The following TMEM132D variants were observed in gnomAD, a reference collection of about 807,000 sequenced individuals.
The protein encoded by TMEM132D is transmembrane protein 132D.
In TMEM132D, 21 loss-of-function variants were observed where a neutral mutation model predicts 62.3. The ratio of observed to expected loss-of-function variants is 0.34; its 90% CI spans 0.24 to 0.49. TMEM132D has a LOEUF of 0.49. Among genes scored for constraint, TMEM132D ranks in the 20% least tolerant of loss-of-function variants. The pLI, the probability that TMEM132D is intolerant of heterozygous loss-of-function variation, is 0.99. For synonymous variants in TMEM132D, 621 were observed against 575.6 expected, an observed-to-expected ratio of 1.08 and a Z score of -1.13; for missense variants, 1,346 against 1,402.8, an observed-to-expected ratio of 0.96 and a Z score of 0.65.
At chr12:129,752,766 A>G (rs1366608931) in intron 1 of TMEM132D, among the ~76,000 whole-genome samples, 2 of 152,280 alleles carry the variant, frequency 1.3e-5, no homozygotes, top group Non-Finnish European at 1.5e-5. Context: ...GATCATCTCC[A>G]AGATGTCACA....
intron 3 of TMEM132D, among the ~76,000 whole-genome samples, chr12:129,425,417 T>TTTC (rs1872465458): frequency 6.8e-6 from 1 of 146,656 alleles, no homozygotes; most frequent in African/African-American, 2.4e-5. Flanking sequence ...TTTTTTTTTT[T>TTTC]TTCTAATCTC....
At chr12:129,639,105 G>A (rs931964903) in intron 2 of TMEM132D, among the ~76,000 whole-genome samples, 8 of 151,950 alleles carry the variant, frequency 5.3e-5, no homozygotes, top group Admixed American at 2.6e-4. Flanking sequence ...AATCAGGGGC[G>A]GGCATGGTTG....
chr12:129,899,406 CATGGATGGATGGATGGATGG>C (rs373344068), intron 1 of TMEM132D, among the ~76,000 whole-genome samples: 1 of 102,658 alleles, frequency 9.7e-6, no homozygotes. Flanking sequence ...TGGATGGATG[CATGGATGGATGGATGGATGG>C]ATGGATGGAT....
chr12:129,567,919 C>A (rs1203861019), intron 2 of TMEM132D, among the ~76,000 whole-genome samples: 1 of 152,190 alleles, frequency 6.6e-6, no homozygotes, highest in African/African-American at 2.4e-5. Flanking sequence ...AGCCAATCAG[C>A]ATATCTCCCA....
intron 3 of TMEM132D, among the ~76,000 whole-genome samples, chr12:129,365,843 C>A (rs556935686): frequency 6.6e-6 from 1 of 152,192 alleles, no homozygotes; most frequent in Admixed American, 6.5e-5. Flanking sequence ...AGGCTGTCTG[C>A]TGAGCACACG....
chr12:129,412,467 C>G (rs1484082496), intron 3 of TMEM132D, among the ~76,000 whole-genome samples: 1 of 151,648 alleles, frequency 6.6e-6, no homozygotes, highest in Admixed American at 6.6e-5. Flanking sequence ...ATTCAGAAGT[C>G]TACTGGGAAT....
At chr12:129,734,469 A>C (rs1212211429) in intron 1 of TMEM132D, among the ~76,000 whole-genome samples, 1 of 152,106 alleles carries the variant, frequency 6.6e-6, no homozygotes, top group Non-Finnish European at 1.5e-5. Flanking sequence ...TGTTCAGTAC[A>C]TTGTGGAATT....
chr12:129,119,336 C>T (rs112031145), intron 5 of TMEM132D, among the ~76,000 whole-genome samples: 335 of 152,248 alleles, frequency 2.2e-3, no homozygotes, highest in African/African-American at 7.0e-3. Flanking sequence ...ACGTTAGCCA[C>T]GGCACTATTC....
At chr12:129,822,459 C>T (rs748221381) in intron 1 of TMEM132D, among the ~76,000 whole-genome samples, 9 of 152,204 alleles carry the variant, frequency 5.9e-5, no homozygotes, top group Non-Finnish European at 8.8e-5. Context: ...TCACACAGGA[C>T]GCACTTAACT....
At chr12:129,339,142 G>T (rs1869385013) in intron 3 of TMEM132D, among the ~76,000 whole-genome samples, 1 of 152,122 alleles carries the variant, frequency 6.6e-6, no homozygotes, top group Admixed American at 6.5e-5. Flanking sequence ...GTGGTGGCAT[G>T]TGCCTATAAT....
At chr12:129,237,170 A>G (rs1879808776) in intron 4 of TMEM132D, among the ~76,000 whole-genome samples, 1 of 152,180 alleles carries the variant, frequency 6.6e-6, no homozygotes, top group South Asian at 2.1e-4. Context: ...CCTCAGGAAT[A>G]TTAGCCTGTG....
chr12:129,525,307 G>C (rs919988670), intron 3 of TMEM132D, among the ~76,000 whole-genome samples: 1 of 124,566 alleles, frequency 8.0e-6, no homozygotes, highest in African/African-American at 3.0e-5. Context: ...ACAACATCTT[G>C]GTCTGTTGTA....
chr12:129,846,399 T>C (rs1287398810), intron 1 of TMEM132D, among the ~76,000 whole-genome samples: 1 of 152,186 alleles, frequency 6.6e-6, no homozygotes, highest in Non-Finnish European at 1.5e-5. Flanking sequence ...TTTTAAAGAA[T>C]ATATTTTCTA....
At chr12:129,222,904 G>A (rs1048787297) in intron 4 of TMEM132D, among the ~76,000 whole-genome samples, 3 of 141,680 alleles carry the variant, frequency 2.1e-5, no homozygotes, top group South Asian at 2.4e-4. Context: ...GCTCTTAAAC[G>A]CTCTCACTAC....
chr12:129,632,210 C>G (rs1879367153), intron 2 of TMEM132D, among the ~76,000 whole-genome samples: 1 of 152,072 alleles, frequency 6.6e-6, no homozygotes, highest in South Asian at 2.1e-4. Context: ...AGAAGCTGAG[C>G]CTGAGCCGTG....
chr12:129,627,438 T>G (rs1879251688), intron 2 of TMEM132D, among the ~76,000 whole-genome samples: 1 of 152,174 alleles, frequency 6.6e-6, no homozygotes. Context: ...GCTAGGCTTG[T>G]GTAAGTATAC....
intron 4 of TMEM132D, among the ~76,000 whole-genome samples, chr12:129,311,635 C>T (rs1372446064): frequency 1.3e-5 from 2 of 152,148 alleles, no homozygotes; most frequent in African/African-American, 4.8e-5. Flanking sequence ...AGCATATAAG[C>T]CACATGACGG....
intron 1 of TMEM132D, among the ~76,000 whole-genome samples, chr12:129,733,810 C>T (rs766055946): frequency 7.2e-5 from 11 of 152,098 alleles, no homozygotes; most frequent in African/African-American, 1.9e-4. Context: ...GAGGAAGGGC[C>T]GTAACCTGGG....
chr12:129,666,668 T>G (rs1880386117), intron 2 of TMEM132D, among the ~76,000 whole-genome samples: 1 of 152,158 alleles, frequency 6.6e-6, no homozygotes, highest in Non-Finnish European at 1.5e-5. Context: ...CTGAAAACAG[T>G]CAGACCTTAT....
Sources: gnomAD v4.1 joint callset for allele counts (sites outside exome capture counted in the v4.1 genomes callset) on GRCh38, gnomAD v4.1.1 for gene constraint, MANE v1.5 for transcripts, NCBI Gene and HGNC (gene_info 2026-07-23, HGNC 2026-07-21) for gene names.